EFCAB5: variants seen among roughly 807,000 people sequenced by gnomAD.
The protein encoded by EFCAB5 is EF-hand calcium binding domain 5.
EFCAB5 carries 131 observed loss-of-function variants against 167.9 expected under a neutral mutation model. That is an observed-to-expected ratio of 0.78 (90% CI 0.68 to 0.90). The LOEUF (loss-of-function observed/expected upper bound fraction) is 0.90. Ranked by LOEUF, EFCAB5 falls within the 40% of genes least tolerant of loss-of-function variation. EFCAB5 has a pLI of 0.00. For synonymous variants in EFCAB5, 574 were observed against 602.8 expected, an observed-to-expected ratio of 0.95 and a Z score of 0.70; for missense variants, 1,663 against 1,745.2, an observed-to-expected ratio of 0.95 and a Z score of 0.84.
At chr17:29,978,001 C>G (rs1172233078) in intron 4 of EFCAB5, among the ~76,000 whole-genome samples, 1 of 152,048 alleles carries the variant, frequency 6.6e-6, no homozygotes, top group Admixed American at 6.6e-5. Context: ...TTCAAAATAT[C>G]TTACTCATCC....
At chr17:30,055,847 G>T in intron 10 of EFCAB5, 41 bp from the exon 11 acceptor site, 2 of 1,586,204 alleles carry the variant, frequency 1.3e-6, no homozygotes, top group Non-Finnish European at 1.7e-6. Context: ...AATGGAATAT[G>T]TAATGTCTAA....
At chr17:30,079,155 A>G (rs1221060120) in intron 15 of EFCAB5, among the ~76,000 whole-genome samples, 1 of 152,222 alleles carries the variant, frequency 6.6e-6, no homozygotes, top group Non-Finnish European at 1.5e-5. Context: ...TCAGCTAAAT[A>G]GCGATACTTG....
chr17:30,011,885 A>T (rs1480466911), intron 7 of EFCAB5, among the ~76,000 whole-genome samples: 1 of 152,208 alleles, frequency 6.6e-6, no homozygotes, highest in Non-Finnish European at 1.5e-5. Flanking sequence ...GTTATACCAT[A>T]TATAGATCTT....
chr17:30,052,168 G>T (rs1202860973), intron 9 of EFCAB5, among the ~76,000 whole-genome samples: 2 of 151,798 alleles, frequency 1.3e-5, no homozygotes, highest in African/African-American at 4.8e-5. Flanking sequence ...GTTTCCCAAA[G>T]AATGTCTTTT....
chr17:30,092,822 CTT>C lies in EFCAB5; in HGVS notation c.4225-17_4225-16del, dbSNP rs562600321. On this transcript the variant is annotated splice_polypyrimidine_tract_variant and intron_variant, in intron 21 of 22. Transcript: ENST00000394835. ...TTCCTGGTGATCCCATAAATTTTCT[CTT>C]GTTGTTTGTTCACAGTATGTTAACA... is the stretch of plus-strand genomic sequence containing the variant. The C allele has an allele frequency of 2.7e-4, 423 of 1,584,630 alleles. 2 individuals carry two copies. In the African/African-American group the frequency reaches 4.9e-3, roughly 18 times the overall value.
At chr17:30,033,101 C>CG (rs957401778) in intron 7 of EFCAB5, among the ~76,000 whole-genome samples, 2 of 149,562 alleles carry the variant, frequency 1.3e-5, no homozygotes, top group Non-Finnish European at 3.0e-5. Flanking sequence ...TTTTTTGAGA[C>CG]GGAGTCTCGC....
chr17:30,051,967 AT>A (rs1032307084), intron 9 of EFCAB5, among the ~76,000 whole-genome samples: 11 of 150,878 alleles, frequency 7.3e-5, no homozygotes, highest in South Asian at 4.2e-4. Flanking sequence ...GTTTATTTTT[AT>A]TTTTTTTTAT....
At chr17:29,977,361 T>C (rs2068083027) in intron 4 of EFCAB5, among the ~76,000 whole-genome samples, 1 of 152,196 alleles carries the variant, frequency 6.6e-6, no homozygotes, top group Admixed American at 6.5e-5. Context: ...ATAAAACTTT[T>C]AAGCAGTAAA....
chr17:29,969,622 T>C (rs1445927361), intron 4 of EFCAB5, among the ~76,000 whole-genome samples: 1 of 152,250 alleles, frequency 6.6e-6, no homozygotes, highest in Non-Finnish European at 1.5e-5. Context: ...TATTTTTATT[T>C]ATCTGCCTGC....
rs1259782061 is a variant in EFCAB5, at chr17:30,017,013, CA to C, written c.1044+17043del. 2.6e-5 allele frequency among the ~76,000 whole-genome samples: 4 copies of C among 151,778 alleles called. No homozygotes were observed. In the East Asian group the frequency reaches 7.7e-4, roughly 29 times the overall value. ...GGCAACATAGGAAGACCTGTCTCTA[CA>C]AAAAATTTAAAAATTAGCTTGGCAC... On this transcript the variant is annotated intron_variant, in intron 7 of 22. Coordinates refer to ENST00000394835, the MANE Select transcript of EFCAB5 (RefSeq NM_198529.4).
chr17:30,025,101 G>T (rs9747395), intron 7 of EFCAB5, among the ~76,000 whole-genome samples: 92,480 of 151,620 alleles, frequency 0.61, 30,207 homozygotes, highest in African/African-American at 0.85. Flanking sequence ...ACCTAGGCAT[G>T]ACCATTCAGG....
intron 7 of EFCAB5, among the ~76,000 whole-genome samples, chr17:30,001,670 T>C (rs1011249645): frequency 1.3e-5 from 2 of 152,216 alleles, no homozygotes; most frequent in African/African-American, 4.8e-5. Flanking sequence ...AAAGATAATA[T>C]AAGTTCATTA....
intron 8 of EFCAB5, among the ~76,000 whole-genome samples, chr17:30,042,712 T>A (rs2069809004): frequency 6.6e-6 from 1 of 151,912 alleles, no homozygotes; most frequent in Non-Finnish European, 1.5e-5. Flanking sequence ...TACCGAACAT[T>A]TAAGGAAGGG....
chr17:30,056,923 TGA>T (rs2070284356), intron 12 of EFCAB5, among the ~76,000 whole-genome samples: 1 of 151,376 alleles, frequency 6.6e-6, no homozygotes, highest in Admixed American at 6.6e-5. Context: ...GTAAAAATTG[TGA>T]GTAATCATTT....
At chr17:29,939,420 C>A (rs2067271109), upstream of EFCAB5, among the ~76,000 whole-genome samples, 1 of 152,128 alleles carries the variant, frequency 6.6e-6, no homozygotes, top group Admixed American at 6.5e-5. Context: ...TGCATTAGCC[C>A]CAAACAAGAG....
At chr17:30,023,831 C>A (rs576238801) in intron 7 of EFCAB5, among the ~76,000 whole-genome samples, 1 of 152,274 alleles carries the variant, frequency 6.6e-6, no homozygotes. Context: ...AGCTTATCCA[C>A]CATGATCAAG....
At chr17:29,975,983 A>C (rs548756481) in intron 4 of EFCAB5, among the ~76,000 whole-genome samples, 1 of 152,222 alleles carries the variant, frequency 6.6e-6, no homozygotes, top group Non-Finnish European at 1.5e-5. Flanking sequence ...AGTAGTATGC[A>C]GGAAGCAGTT....
chr17:30,000,868 C>T (rs1018504720), intron 7 of EFCAB5, among the ~76,000 whole-genome samples: 1 of 152,152 alleles, frequency 6.6e-6, no homozygotes, highest in Non-Finnish European at 1.5e-5. Flanking sequence ...TTATATCTCC[C>T]CTGTGATCCA....
chr17:30,097,740 A>AT (rs1162533141), intron 22 of EFCAB5, among the ~76,000 whole-genome samples: 7 of 151,876 alleles, frequency 4.6e-5, no homozygotes, highest in Admixed American at 2.6e-4. Flanking sequence ...TTGATTCCTC[A>AT]TTTTTTTTGT....
Sources: gnomAD v4.1 joint callset for allele counts (sites outside exome capture counted in the v4.1 genomes callset) on GRCh38, gnomAD v4.1.1 for gene constraint, MANE v1.5 for transcripts, NCBI Gene and HGNC (gene_info 2026-07-23, HGNC 2026-07-21) for gene names.